The following ZMYM1 variants were observed in gnomAD, a reference collection of about 807,000 sequenced individuals.
The protein encoded by ZMYM1 is zinc finger MYM-type protein 1.
Under a neutral mutation model 60.0 loss-of-function variants are expected in ZMYM1, and 39 were observed. The ratio of observed to expected loss-of-function variants is 0.65; its 90% CI spans 0.50 to 0.85. ZMYM1 has a LOEUF of 0.85. Ranked by LOEUF, ZMYM1 falls within the 40% of genes least tolerant of loss-of-function variation. The pLI is 0.00. For synonymous variants in ZMYM1, 413 were observed against 454.0 expected (o/e 0.91, Z 1.15); for missense variants, 1,171 against 1,309.5 (o/e 0.89, Z 1.63).
intron 9 of ZMYM1, among the ~76,000 whole-genome samples, chr1:35,112,456 G>T (rs1175619045): frequency 6.8e-6 from 1 of 147,670 alleles, no homozygotes; most frequent in Non-Finnish European, 1.5e-5. Flanking sequence ...GGGATTACAG[G>T]CATGAGCCAC....
intron 4 of ZMYM1, among the ~76,000 whole-genome samples, chr1:35,102,920 T>G (rs1643733493): frequency 6.6e-6 from 1 of 152,228 alleles, no homozygotes; most frequent in Admixed American, 6.5e-5. Flanking sequence ...GTTTAAATAA[T>G]TTAAAATATT....
chr1:35,112,858 A>G, intron 9 of ZMYM1, 119 bp from the exon 10 acceptor site: 4 of 838,370 alleles, frequency 4.8e-6, no homozygotes, highest in Non-Finnish European at 6.6e-6. Flanking sequence ...GTTTCCCCCT[A>G]GTGGAGCTCA....
At chr1:35,100,057 G>A (rs1446372770) in intron 4 of ZMYM1, among the ~76,000 whole-genome samples, 1 of 151,846 alleles carries the variant, frequency 6.6e-6, no homozygotes, top group Non-Finnish European at 1.5e-5. Context: ...TGCCCAGCTA[G>A]TTTTTTTATT....
chr1:35,114,475 A>G lies in ZMYM1; in HGVS notation c.2645A>G (p.Lys882Arg). 1 of 1,613,022 alleles carries G rather than the reference A, an allele frequency of 6.2e-7. No homozygotes were observed. The highest frequency in any genetic ancestry group is 8.5e-7 in the Non-Finnish European group (1 of 1,179,430). ...ATTCTTTCCAAAGAGCTTCAAAATA[A>G]AACCATAGACATTTTTTCTTTGTCT... ...TGILSKELQN[K>R]TIDIFSLSSK... is the part of the protein sequence containing the mutation. Residue 882 changes from lysine to arginine, a missense_variant, in exon 10 of 10, where the codon AAA (lysine) becomes AGA (arginine). By Grantham distance (26) the Lys-to-Arg change is conservative (BLOSUM62 2). Coordinates refer to ENST00000359858, the MANE Select transcript of ZMYM1 (RefSeq NM_024772.5).
rs549899478 is a variant in ZMYM1, at chr1:35,065,275, A to G, written c.-301+5350A>G. Among the ~76,000 whole-genome samples, 8 of 149,068 alleles carry G rather than the reference A, an allele frequency of 5.4e-5. No homozygotes were observed. The East Asian group carries it at 1.6e-3, about 29-fold the overall frequency. ...GGATGAAGACATTTATGACTGGTTC[A>G]TTCCCGGCTTTCGGCACCAAAAAAA... On this transcript the variant is annotated intron_variant, in intron 1 of 10. Transcript: ENST00000417119.
intron 2 of ZMYM1, among the ~76,000 whole-genome samples, chr1:35,094,770 G>A (rs1643218956): frequency 6.6e-6 from 1 of 152,066 alleles, no homozygotes; most frequent in South Asian, 2.1e-4. Flanking sequence ...GATCGCTTGA[G>A]CCCAGGAATT....
intron 1 of ZMYM1, among the ~76,000 whole-genome samples, chr1:35,080,090 C>T (rs766660888): frequency 2.8e-5 from 2 of 71,728 alleles, no homozygotes; most frequent in Admixed American, 2.5e-4. Context: ...CAGAGCGAGA[C>T]CCCGTCTCAA....
At chr1:35,089,571 T>G (rs1642869655) in intron 1 of ZMYM1, among the ~76,000 whole-genome samples, 1 of 152,124 alleles carries the variant, frequency 6.6e-6, no homozygotes, top group African/African-American at 2.4e-5. Context: ...GGGTCTTTCA[T>G]GTACTAACCC....
chr1:35,113,624 A>T lies in ZMYM1; in HGVS notation c.1794A>T (p.Gly598=), dbSNP rs763983683. ...ELLEMRAKDK[G]EETFRLMNSQ... The stretch of plus-strand genomic sequence containing the variant: ...TAGAAATGAGAGCAAAAGATAAAGG[A>T]GAAGAAACATTTCGACTTATGAATT... The change falls in exon 10 of 10, where the codon GGA becomes GGT. Residue 598 remains glycine, a synonymous_variant. Transcript: ENST00000359858. The T allele has an allele frequency of 6.2e-7, 1 of 1,613,266 alleles. No individual in the cohort carries two copies. Among genetic ancestry groups the T allele is most frequent in the Non-Finnish European group, 8.5e-7 (1 of 1,179,752 alleles).
At chr1:35,091,218 T>TTATC (rs986722264) in intron 1 of ZMYM1, among the ~76,000 whole-genome samples, 10 of 151,726 alleles carry the variant, frequency 6.6e-5, no homozygotes, top group South Asian at 6.2e-4. Context: ...GTGGAGATAT[T>TTATC]TATTTATTTA....
intron 6 of ZMYM1, among the ~76,000 whole-genome samples, chr1:35,106,733 C>T (rs938098396): frequency 6.6e-6 from 1 of 152,036 alleles, no homozygotes; most frequent in Non-Finnish European, 1.5e-5. Context: ...TGCCTTGGGA[C>T]CAGAACGGAA....
At position 35,097,395 on chromosome 1, in the gene ZMYM1, C is replaced by T; in HGVS notation, c.248C>T (p.Thr83Ile). 6.2e-7 allele frequency: 1 copy of T among 1,614,146 alleles called. No homozygotes were observed. The highest frequency in any genetic ancestry group is 8.5e-7 in the Non-Finnish European group (1 of 1,180,030). ...AAAATGCTTCCTTCAGTTTCAACCA[C>T]AGCTATTCAGGTTTCCTGTGCTGGT... Reference protein sequence around the residue: ...VNKMLPSVSTTAIQVSCAGCK... With the variant: ...VNKMLPSVSTIAIQVSCAGCK... The change falls in exon 4 of 10, where the codon ACA becomes ATA. Residue 83 changes from threonine (T) to isoleucine (I), a missense_variant. Transcript: ENST00000359858.
chr1:35,078,605 G>A (rs1642219738), upstream of ZMYM1, among the ~76,000 whole-genome samples: 1 of 129,460 alleles, frequency 7.7e-6, no homozygotes, highest in South Asian at 2.4e-4. Flanking sequence ...CTGAAGTGCA[G>A]TGGTACAATC....
Position 35,115,126 on chromosome 1 carries a change from A to G in ZMYM1, c.3296A>G (p.Asn1099Ser). 2 of 1,614,152 alleles carry G rather than the reference A, an allele frequency of 1.2e-6. No individual in the cohort carries two copies. Among genetic ancestry groups the G allele is most frequent in the African/African-American group, 1.3e-5 (1 of 75,056 alleles). The change falls in exon 10 of 10, where the codon AAT (asparagine) becomes AGT (serine). Residue 1099 changes from asparagine (N) to serine (S), a missense_variant. Asn to Ser is a conservative substitution (Grantham distance 46, BLOSUM62 1). Coordinates refer to ENST00000359858, the MANE Select transcript of ZMYM1 (RefSeq NM_024772.5). Reference protein sequence around the residue: ...TLPRLKTYLCNTMGQEKLTGP... With the variant: ...TLPRLKTYLCSTMGQEKLTGP... ...CCTCGTCTTAAGACATATTTATGTA[A>G]TACCATGGGACAAGAGAAGCTTACT...
At chr1:35,060,164 A>G (rs1236666711) in intron 1 of ZMYM1, among the ~76,000 whole-genome samples, 3 of 148,156 alleles carry the variant, frequency 2.0e-5, no homozygotes, top group African/African-American at 7.4e-5. Flanking sequence ...TATTATTATT[A>G]TTATTATTAT....
chr1:35,082,574 G>A (rs1326259790), intron 1 of ZMYM1, among the ~76,000 whole-genome samples: 1 of 150,942 alleles, frequency 6.6e-6, no homozygotes, highest in Non-Finnish European at 1.5e-5. Flanking sequence ...CAAGTGATCC[G>A]CCTGCCTCAG....
At position 35,104,149 on chromosome 1, in the gene ZMYM1, A is replaced by G. The variant is rs1643799453; in HGVS notation, c.420-146A>G. The stretch of plus-strand genomic sequence containing the variant: ...GAGAAAATTAAAATTTAGGGAGTAT[A>G]AATGTGACAGAACTGGGTACCAAAT... On this transcript the variant is annotated intron_variant, in intron 4 of 9. Transcript: ENST00000359858. 8 of 669,938 alleles carry G rather than the reference A, an allele frequency of 1.2e-5. No homozygotes were observed. The Admixed American group carries it at 2.2e-4, about 19-fold the overall frequency. The allele number at this position is 669,938 out of a possible 1,614,324, so 41.5% of individuals were successfully genotyped here.
Position 35,062,260 on chromosome 1 carries a change from T to A in ZMYM1, c.-301+2335T>A, listed in dbSNP as rs1641890292. 2.6e-5 allele frequency among the ~76,000 whole-genome samples: 4 copies of A among 152,192 alleles called. No individual in the cohort carries two copies. In the South Asian group the frequency reaches 8.3e-4, roughly 31 times the overall value. On this transcript the variant is annotated intron_variant, in intron 1 of 10. Coordinates refer to the ZMYM1 transcript ENST00000417119. ...GGAAACTTTGGAAGAAGAAACTCAT[T>A]GTGTGCAGTCCAGCCTCTTCCTCTT...
chr1:35,110,598 AT>A, intron 7 of ZMYM1, 151 bp downstream of exon 7: 2 of 703,520 alleles, frequency 2.8e-6, no homozygotes, highest in Non-Finnish European at 3.9e-6. Context: ...GTTTTTCAGT[AT>A]TTTTGTATAA....
Sources: gnomAD v4.1 joint callset for allele counts (sites outside exome capture counted in the v4.1 genomes callset) on GRCh38, gnomAD v4.1.1 for gene constraint, MANE v1.5 for transcripts, NCBI Gene and HGNC (gene_info 2026-07-23, HGNC 2026-07-21) for gene names.